Variants in MGAT5 observed in about 807,000 individuals in gnomAD.
MGAT5 encodes the protein alpha-1,6-mannosylglycoprotein 6-beta-N-acetylglucosaminyltransferase.
In MGAT5, 30 loss-of-function variants were observed where a neutral mutation model predicts 94.3. The observed-to-expected ratio is 0.32, with a 90% CI of 0.24 to 0.43. The LOEUF is 0.43. Ranked by LOEUF, MGAT5 falls within the 20% of genes least tolerant of loss-of-function variation. The pLI is 1.00. For synonymous variants in MGAT5, 310 were observed against 322.9 expected, an observed-to-expected ratio of 0.96 and a Z score of 0.43; for missense variants, 691 against 905.5, an observed-to-expected ratio of 0.76 and a Z score of 3.04.
chr2:134,284,763 AG>A (rs1231597358), intron 2 of MGAT5, among the ~76,000 whole-genome samples: 1 of 152,206 alleles, frequency 6.6e-6, no homozygotes, highest in African/African-American at 2.4e-5. Flanking sequence ...AGTCTGAGCC[AG>A]GGTTCAGATC....
intron 15 of MGAT5, among the ~76,000 whole-genome samples, chr2:134,445,967 G>A (rs1027836430): frequency 3.9e-5 from 6 of 152,192 alleles, no homozygotes; most frequent in African/African-American, 1.2e-4. Flanking sequence ...ACTGCTCAGA[G>A]CTATGGGATG....
intron 1 of MGAT5, among the ~76,000 whole-genome samples, chr2:134,206,341 T>C (rs185466220): frequency 2.0e-4 from 30 of 152,350 alleles, no homozygotes; most frequent in Non-Finnish European, 3.7e-4. Flanking sequence ...ATACAAAGGA[T>C]CGCCAGGATG....
At chr2:134,141,191 GACCCTC>G (rs1262594812) in intron 1 of MGAT5, among the ~76,000 whole-genome samples, 1 of 152,154 alleles carries the variant, frequency 6.6e-6, no homozygotes, top group Non-Finnish European at 1.5e-5. Flanking sequence ...ACAGCAAGAA[GACCCTC>G]ACCAGATGCC....
intron 6 of MGAT5, among the ~76,000 whole-genome samples, chr2:134,338,828 T>G (rs1688476728): frequency 6.6e-6 from 1 of 152,144 alleles, no homozygotes; most frequent in South Asian, 2.1e-4. Flanking sequence ...TTACTCTGTC[T>G]GGTTGGTGCT....
At chr2:134,445,978 G>A (rs1685748182) in intron 15 of MGAT5, among the ~76,000 whole-genome samples, 2 of 152,140 alleles carry the variant, frequency 1.3e-5, no homozygotes, top group South Asian at 4.1e-4. Flanking sequence ...CTATGGGATG[G>A]GCACATGCAT....
chr2:134,403,388 G>C (rs1022025220), intron 11 of MGAT5, among the ~76,000 whole-genome samples: 1 of 152,124 alleles, frequency 6.6e-6, no homozygotes, highest in African/African-American at 2.4e-5. Context: ...CAAGCAAGGG[G>C]CTAAGGATAA....
intron 10 of MGAT5, among the ~76,000 whole-genome samples, chr2:134,366,428 T>G (rs2106133315): frequency 6.6e-6 from 1 of 152,362 alleles, no homozygotes; most frequent in South Asian, 2.1e-4. Context: ...GATCCTACTA[T>G]GATCTTAATA....
chr2:134,435,285 C>T (rs1055021985), intron 14 of MGAT5, among the ~76,000 whole-genome samples: 4 of 152,182 alleles, frequency 2.6e-5, no homozygotes, highest in Admixed American at 6.5e-5. Context: ...TACCCAGAAG[C>T]GCCTGCTCCC....
intron 1 of MGAT5, among the ~76,000 whole-genome samples, chr2:134,214,234 A>G (rs917197400): frequency 1.3e-5 from 2 of 151,228 alleles, no homozygotes; most frequent in Admixed American, 6.6e-5. Context: ...TGAAAGCTCT[A>G]TAGCTAGCTT....
chr2:134,353,238 A>C (rs185938531), intron 9 of MGAT5, among the ~76,000 whole-genome samples: 9 of 104,090 alleles, frequency 8.6e-5, no homozygotes, highest in African/African-American at 2.4e-4. Flanking sequence ...ATTCACTAAA[A>C]ATTGAAAACA....
At chr2:134,234,899 CTCAGTCTTTTTA>C (rs891586520) in intron 1 of MGAT5, among the ~76,000 whole-genome samples, 1 of 152,184 alleles carries the variant, frequency 6.6e-6, no homozygotes, top group Non-Finnish European at 1.5e-5. Context: ...GTATATTTGC[CTCAGTCTTTTTA>C]TAAGACTCCC....
intron 2 of MGAT5, among the ~76,000 whole-genome samples, chr2:134,296,508 T>G (rs1685683108): frequency 7.2e-5 from 11 of 152,144 alleles, no homozygotes; most frequent in Admixed American, 7.2e-4. Context: ...GCTTCCTCTT[T>G]TTTTCCCCTT....
chr2:134,144,629 G>A (rs114472004), intron 1 of MGAT5, among the ~76,000 whole-genome samples: 1,987 of 152,178 alleles, frequency 0.013, 14 homozygotes, highest in Non-Finnish European at 0.018. Context: ...AAATGTAAAA[G>A]CTTTAATTTA....
chr2:134,320,667 G>A (rs929339507), intron 4 of MGAT5, among the ~76,000 whole-genome samples: 1 of 152,154 alleles, frequency 6.6e-6, no homozygotes, highest in Non-Finnish European at 1.5e-5. Context: ...AACAGCTGGT[G>A]ATGCCATGCA....
At chr2:134,409,004 G>A (rs1683496858) in intron 11 of MGAT5, among the ~76,000 whole-genome samples, 5 of 152,022 alleles carry the variant, frequency 3.3e-5, no homozygotes, top group African/African-American at 4.8e-5. Flanking sequence ...ATCCCTCCCC[G>A]TTTTTTAGTG....
chr2:134,169,696 A>G (rs573777239), intron 1 of MGAT5, among the ~76,000 whole-genome samples: 33 of 152,304 alleles, frequency 2.2e-4, no homozygotes, highest in African/African-American at 7.7e-4. Flanking sequence ...TGAAATGTCT[A>G]TAAATTTCTA....
intron 1 of MGAT5, among the ~76,000 whole-genome samples, chr2:134,200,080 T>G (rs1426743703): frequency 6.6e-6 from 1 of 152,188 alleles, no homozygotes; most frequent in Non-Finnish European, 1.5e-5. Context: ...TACGTGCAGA[T>G]AGTAAGTCTT....
chr2:134,195,179 G>C (rs1573839558), intron 1 of MGAT5, among the ~76,000 whole-genome samples: 1 of 152,126 alleles, frequency 6.6e-6, no homozygotes, highest in East Asian at 1.9e-4. Context: ...GATTCCTTCA[G>C]GTTCCTAAAC....
At chr2:134,347,714 A>G (rs1486415136) in intron 8 of MGAT5, among the ~76,000 whole-genome samples, 2 of 152,226 alleles carry the variant, frequency 1.3e-5, no homozygotes, top group African/African-American at 2.4e-5. Flanking sequence ...ACCACTTTAT[A>G]TAAGGGACTT....
Sources: allele counts gnomAD v4.1 joint callset (sites outside exome capture counted in the v4.1 genomes callset), GRCh38; gene constraint gnomAD v4.1.1; transcripts MANE v1.5; gene names NCBI Gene and HGNC (gene_info 2026-07-23, HGNC 2026-07-21).